The following EYS variants were observed in gnomAD, a reference collection of about 807,000 sequenced individuals.
The protein encoded by EYS is EGF-like photoreceptor maintenance factor, also known as protein eyes shut homolog.
Under a neutral mutation model 282.1 loss-of-function variants are expected in EYS, and 250 were observed. The observed-to-expected ratio is 0.89, with a 90% confidence interval of 0.80 to 0.98. The LOEUF (loss-of-function observed/expected upper bound fraction) is 0.98. Ranked by LOEUF, EYS falls within the 50% of genes least tolerant of loss-of-function variation. The probability of loss-of-function intolerance (pLI) is 0.00; values close to 1 mark genes in which losing one functional copy is unlikely to be tolerated. For synonymous variants in EYS, 1,355 were observed against 1,282.9 expected (o/e 1.06, Z -1.20); for missense variants, 4,016 against 3,709.0 (o/e 1.08, Z -2.15).
intron 35 of EYS, among the ~76,000 whole-genome samples, chr6:63,923,535 C>A (rs1255850149): frequency 6.6e-6 from 1 of 152,002 alleles, no homozygotes; most frequent in Admixed American, 6.6e-5. Context: ...ACTGTTTAAG[C>A]CAAATCTTTA....
rs527244301 is a variant in EYS, at chr6:64,093,924, G to T, written c.6425-11922C>A. ...GATAGCTCTTATTATTTTGAGATAC[G>T]CCCCATCAATAACTACTTTATTGAG... On this transcript the variant is annotated intron_variant, in intron 31 of 42. Coordinates refer to ENST00000503581, the MANE Select transcript of EYS (RefSeq NM_001142800.2). Among the ~76,000 whole-genome samples, 4 of 152,174 alleles carry T rather than the reference G, an allele frequency of 2.6e-5. No individual in the cohort carries two copies. In the East Asian group the frequency reaches 7.7e-4, roughly 29 times the overall value.
chr6:64,625,067 C>T (rs1767562144), intron 23 of EYS, among the ~76,000 whole-genome samples: 1 of 152,004 alleles, frequency 6.6e-6, no homozygotes, highest in Non-Finnish European at 1.5e-5. Flanking sequence ...AGAAATATCC[C>T]CTACATATAT....
chr6:65,517,170 G>A (rs904888567), intron 2 of EYS, among the ~76,000 whole-genome samples: 7 of 151,760 alleles, frequency 4.6e-5, no homozygotes, highest in African/African-American at 7.3e-5. Flanking sequence ...GAACTACTGC[G>A]TGTGGAAGGG....
At chr6:64,180,066 G>T (rs550189820) in intron 31 of EYS, among the ~76,000 whole-genome samples, 1 of 152,118 alleles carries the variant, frequency 6.6e-6, no homozygotes, top group Non-Finnish European at 1.5e-5. Flanking sequence ...AATGAAATGG[G>T]TTTGGATAGA....
At chr6:64,374,117 T>G (rs1336832490) in intron 29 of EYS, among the ~76,000 whole-genome samples, 1 of 148,286 alleles carries the variant, frequency 6.7e-6, no homozygotes. Context: ...GCTGGCCCAG[T>G]TCAGGGTGAA....
intron 29 of EYS, among the ~76,000 whole-genome samples, chr6:64,311,584 A>G (rs57737480): frequency 0.031 from 4,740 of 152,282 alleles, 232 homozygotes; most frequent in African/African-American, 0.11. Context: ...GCTCGCTGGC[A>G]AGATGGCTGA....
At chr6:64,672,472 A>G (rs572021238) in intron 22 of EYS, among the ~76,000 whole-genome samples, 1 of 152,258 alleles carries the variant, frequency 6.6e-6, no homozygotes, top group African/African-American at 2.4e-5. Context: ...AACCTCCCTC[A>G]AGCCTTTTAA....
intron 33 of EYS, among the ~76,000 whole-genome samples, chr6:64,063,234 C>G (rs934552622): frequency 6.6e-6 from 1 of 152,142 alleles, no homozygotes; most frequent in African/African-American, 2.4e-5. Flanking sequence ...CAACCAGATC[C>G]CTTCTCTGAC....
intron 22 of EYS, among the ~76,000 whole-genome samples, chr6:64,809,484 T>G (rs986320485): frequency 6.6e-6 from 1 of 151,794 alleles, no homozygotes; most frequent in Non-Finnish European, 1.5e-5. Flanking sequence ...GGAACAAAAA[T>G]ATAAAAACTG....
At chr6:64,048,627 A>C (rs192764919) in intron 33 of EYS, among the ~76,000 whole-genome samples, 1 of 152,244 alleles carries the variant, frequency 6.6e-6, no homozygotes, top group Non-Finnish European at 1.5e-5. Flanking sequence ...TAATTATTTT[A>C]CATCATCAGA....
At chr6:65,361,896 G>T (rs972627689) in intron 8 of EYS, among the ~76,000 whole-genome samples, 14 of 152,188 alleles carry the variant, frequency 9.2e-5, no homozygotes, top group African/African-American at 3.4e-4. Context: ...ATGAGAAAAT[G>T]ACTGAAGAAA....
intron 30 of EYS, among the ~76,000 whole-genome samples, chr6:64,276,175 T>C (rs1359397335): frequency 6.6e-6 from 1 of 152,140 alleles, no homozygotes; most frequent in African/African-American, 2.4e-5. Context: ...AGATTGACAG[T>C]TTGATTACTA....
chr6:64,688,899 GA>G (rs1199570494), intron 22 of EYS, among the ~76,000 whole-genome samples: 1 of 151,882 alleles, frequency 6.6e-6, no homozygotes, highest in Non-Finnish European at 1.5e-5. Flanking sequence ...CATTCCCTTT[GA>G]AAACTGGCAC....
intron 29 of EYS, among the ~76,000 whole-genome samples, chr6:64,334,259 C>T (rs1770756814): frequency 6.6e-6 from 1 of 152,060 alleles, no homozygotes; most frequent in South Asian, 2.1e-4. Flanking sequence ...GGAACAAAGG[C>T]TTATCAATTA....
intron 7 of EYS, among the ~76,000 whole-genome samples, chr6:65,386,761 T>C (rs1765818809): frequency 6.6e-6 from 1 of 152,018 alleles, no homozygotes; most frequent in East Asian, 1.9e-4. Flanking sequence ...GCAGCCATTT[T>C]AGTCAGAGGC....
intron 1 of EYS, among the ~76,000 whole-genome samples, chr6:65,685,231 A>G (rs900874696): frequency 3.3e-5 from 5 of 152,028 alleles, no homozygotes; most frequent in African/African-American, 1.2e-4. Flanking sequence ...AAGAACCTCA[A>G]TTTGAATGAT....
At chr6:65,162,757 C>A (rs990481066) in intron 12 of EYS, among the ~76,000 whole-genome samples, 1 of 150,694 alleles carries the variant, frequency 6.6e-6, no homozygotes, top group Non-Finnish European at 1.5e-5. Context: ...TGCTCTGTGC[C>A]CTAAAACTAA....
At chr6:65,020,969 T>A (rs1397554813) in intron 13 of EYS, among the ~76,000 whole-genome samples, 1 of 152,106 alleles carries the variant, frequency 6.6e-6, no homozygotes, top group Non-Finnish European at 1.5e-5. Context: ...GGGCACCAAG[T>A]CCCAAGGCTG....
chr6:64,108,850 GTT>G (rs1344702601), intron 31 of EYS, among the ~76,000 whole-genome samples: 1 of 151,956 alleles, frequency 6.6e-6, no homozygotes, highest in African/African-American at 2.4e-5. Context: ...TGTCTAACAT[GTT>G]TTGAACTCTC....
Sources: gnomAD v4.1 joint callset for allele counts (sites outside exome capture counted in the v4.1 genomes callset) on GRCh38, gnomAD v4.1.1 for gene constraint, MANE v1.5 for transcripts, NCBI Gene and HGNC (gene_info 2026-07-23, HGNC 2026-07-21) for gene names.